The following ARHGAP21 variants were observed in gnomAD, a reference collection of about 807,000 sequenced individuals.
ARHGAP21 encodes rho GTPase-activating protein 21.
Under a neutral mutation model 164.6 loss-of-function variants are expected in ARHGAP21, and 38 were observed. The ratio of observed to expected loss-of-function variants is 0.23; its 90% CI spans 0.18 to 0.30. The LOEUF (loss-of-function observed/expected upper bound fraction) is 0.30. Among genes scored for constraint, ARHGAP21 ranks in the 10% least tolerant of loss-of-function variants. The pLI, the probability that ARHGAP21 is intolerant of heterozygous loss-of-function variation, is 1.00. For synonymous variants in ARHGAP21, 766 were observed against 857.9 expected (o/e 0.89, Z 1.87); for missense variants, 1,822 against 2,370.7 (o/e 0.77, Z 4.81).
intron 11 of ARHGAP21, chr10:24,605,679 T>G (rs898910718): frequency 2.6e-5 from 4 of 152,162 alleles, no homozygotes; most frequent in African/African-American, 9.7e-5. Context: ...TAACATAAGG[T>G]TCAGTATCAT....
chr10:24,635,002 T>C lies in ARHGAP21; in HGVS notation c.361+9A>G. On this transcript the variant is annotated intron_variant, in intron 5 of 25. Transcript: ENST00000396432. ...TTAAAACGTATTGTTTAAAGAAGAA[T>C]ATCAGCACCTGTACATAATCCAGCT... The C allele has an allele frequency of 1.3e-6, 2 of 1,519,382 alleles. No homozygotes were observed. The highest frequency in any genetic ancestry group is 1.8e-6 in the Non-Finnish European group (2 of 1,128,292). 94.1% of individuals were successfully genotyped at this position (1,519,382 alleles called of 1,614,324 possible).
intron 4 of ARHGAP21, among the ~76,000 whole-genome samples, chr10:24,642,836 T>A (rs914841297): frequency 2.6e-5 from 4 of 152,148 alleles, no homozygotes; most frequent in African/African-American, 9.7e-5. Context: ...CGCACGAGAA[T>A]ATACAGGACA....
In ARHGAP21 at chr10:24,600,188, AAACT is replaced by A. The variant is rs1216346859; in HGVS notation, c.3132+454_3132+457del. Reference sequence around the variant, plus strand: ...TTTTTGAAAATGCAAGTTTTCTTAGAAACTAACTATTGTGTGACAGTAGGCTATT... The same window carrying A: ...TTTTTGAAAATGCAAGTTTTCTTAGAAACTATTGTGTGACAGTAGGCTATT... On this transcript the variant is annotated intron_variant, in intron 14 of 25. Transcript: ENST00000396432. Among the ~76,000 whole-genome samples the A allele has an allele frequency of 1.7e-4, 25 of 149,764 alleles. 1 individual carries two copies. The South Asian group carries it at 2.7e-3, about 16-fold the overall frequency.
intron 4 of ARHGAP21, among the ~76,000 whole-genome samples, chr10:24,646,171 A>G (rs574195329): frequency 1.3e-5 from 2 of 152,350 alleles, no homozygotes; most frequent in South Asian, 4.1e-4. Flanking sequence ...TTAAACATCA[A>G]AAACAGGGAC....
chr10:24,613,655 T>C (rs1414854490), intron 9 of ARHGAP21, among the ~76,000 whole-genome samples: 2 of 152,180 alleles, frequency 1.3e-5, no homozygotes, highest in Non-Finnish European at 2.9e-5. Flanking sequence ...CATGGCAAGA[T>C]GGCAGTCAGT....
intron 4 of ARHGAP21, among the ~76,000 whole-genome samples, chr10:24,648,269 A>G (rs1039702089): frequency 1.3e-5 from 2 of 152,244 alleles, no homozygotes; most frequent in Admixed American, 1.3e-4. Flanking sequence ...ACCACATAGC[A>G]TGAACAATCA....
intron 12 of ARHGAP21, among the ~76,000 whole-genome samples, chr10:24,603,937 A>AT (rs1293298671): frequency 6.6e-6 from 1 of 152,076 alleles, no homozygotes; most frequent in Non-Finnish European, 1.5e-5. Flanking sequence ...TGGAGGTTGA[A>AT]AAAGGCAGGA....
At chr10:24,700,266 T>A (rs1442348536) in intron 2 of ARHGAP21, among the ~76,000 whole-genome samples, 1 of 152,132 alleles carries the variant, frequency 6.6e-6, no homozygotes, top group Admixed American at 6.5e-5. Flanking sequence ...ACCAGCAAGG[T>A]TTCCCTGTGC....
At chr10:24,664,771 AT>A (rs1840037835) in intron 4 of ARHGAP21, among the ~76,000 whole-genome samples, 1 of 152,034 alleles carries the variant, frequency 6.6e-6, no homozygotes, top group African/African-American at 2.4e-5. Flanking sequence ...GCAAACTGTT[AT>A]CTTCTCCAGC....
chr10:24,591,823 C>G, intron 22 of ARHGAP21, 64 bp downstream of exon 22: 1 of 1,590,320 alleles, frequency 6.3e-7, no homozygotes. Context: ...TAGCGGCTGC[C>G]CGTGAAAATG....
intron 2 of ARHGAP21, among the ~76,000 whole-genome samples, chr10:24,682,783 T>C (rs549262991): frequency 2.5e-4 from 38 of 151,754 alleles, no homozygotes; most frequent in Admixed American, 1.4e-3. Context: ...TCCCAAAAAG[T>C]AATTCTGTTT....
chr10:24,645,749 T>C lies in ARHGAP21; in HGVS notation c.269-10646A>G, dbSNP rs139387579. On this transcript the variant is annotated intron_variant, in intron 4 of 25. Transcript: ENST00000396432. ...CATTAGATGTATATGTGCCAGGAACTGTTCTGGGCTTTAAGAGATAAAGAA... is the reference window on the plus strand; with the variant it reads ...CATTAGATGTATATGTGCCAGGAACCGTTCTGGGCTTTAAGAGATAAAGAA... Among the ~76,000 whole-genome samples the C allele has an allele frequency of 4.3e-3, 651 of 152,322 alleles. 4 individuals carry two copies. Among genetic ancestry groups the C allele is most frequent in the African/African-American group, 0.014 (592 of 41,576 alleles).
At chr10:24,616,639 A>C (rs932864064) in intron 9 of ARHGAP21, among the ~76,000 whole-genome samples, 42 of 152,208 alleles carry the variant, frequency 2.8e-4, no homozygotes, top group Middle Eastern at 3.2e-3. Flanking sequence ...ACTATGGAGA[A>C]AGAAAGTTAA....
rs116636460 is a variant in ARHGAP21 at position 24,682,067 on chromosome 10, G to A, written c.64-11670C>T. Among the ~76,000 whole-genome samples, 497 of 151,776 alleles carry A rather than the reference G, an allele frequency of 3.3e-3. 3 individuals carry two copies. The highest frequency in any genetic ancestry group is 0.011 in the African/African-American group (459 of 41,358). ...TAAGAAGATTAAATGAGTTTGTAAA[G>A]GGATTAAAACAGTACCAGCCACATA... is the stretch of plus-strand genomic sequence containing the variant. On this transcript the variant is annotated intron_variant, in intron 2 of 25. Coordinates refer to ENST00000396432, the MANE Select transcript of ARHGAP21 (RefSeq NM_020824.4).
intron 2 of ARHGAP21, among the ~76,000 whole-genome samples, chr10:24,674,099 G>A (rs1389634039): frequency 1.3e-5 from 2 of 151,894 alleles, no homozygotes; most frequent in African/African-American, 4.8e-5. Flanking sequence ...TCTGCTCTTC[G>A]AAAGACACTT....
intron 2 of ARHGAP21, among the ~76,000 whole-genome samples, chr10:24,670,862 G>A (rs1840632263): frequency 6.6e-6 from 1 of 152,130 alleles, no homozygotes; most frequent in African/African-American, 2.4e-5. Context: ...TTCAGGTTCT[G>A]AGCACGAATT....
intron 9 of ARHGAP21, among the ~76,000 whole-genome samples, chr10:24,614,861 G>A (rs529369007): frequency 4.3e-4 from 65 of 151,626 alleles, no homozygotes; most frequent in Non-Finnish European, 8.1e-4. Context: ...TCTATAAAGT[G>A]TGCTACAAAG....
rs370895360 is a variant in ARHGAP21 at position 24,584,679 on chromosome 10, G to C, written c.5610C>G (p.Ile1870Met). ...TSTSDLSRGE[I>M]GDPQTENPST... ...TTGGGTTCTCTGTCTGGGGATCTCC[G>C]ATTTCTCCTCTGCTAAGGTCAGAGG... Residue 1870 changes from isoleucine to methionine, a missense_variant, in exon 26 of 26, where the codon ATC becomes ATG. Ile to Met is a conservative substitution (Grantham distance 10). This residue lies in a region of ARHGAP21 where 165 missense variants were observed against 176.6 expected (regional missense o/e 0.93). Coordinates refer to ENST00000396432, the MANE Select transcript of ARHGAP21 (RefSeq NM_020824.4). The C allele has an allele frequency of 1.9e-6, 3 of 1,613,932 alleles. 1 individual carries two copies. The South Asian group carries it at 3.3e-5, about 18-fold the overall frequency.
chr10:24,649,537 T>C (rs1048703747), intron 4 of ARHGAP21, among the ~76,000 whole-genome samples: 1 of 152,224 alleles, frequency 6.6e-6, no homozygotes, highest in South Asian at 2.1e-4. Context: ...CTCTAAGAAG[T>C]GGCCATGGGC....
Sources: allele counts gnomAD v4.1 joint callset (sites outside exome capture counted in the v4.1 genomes callset), GRCh38; gene constraint gnomAD v4.1.1; regional missense constraint gnomAD v4.1.1; transcripts MANE v1.5; gene names NCBI Gene and HGNC (gene_info 2026-07-23, HGNC 2026-07-21).